Variants in RNF220 observed in about 807,000 individuals in gnomAD.
The protein encoded by RNF220 is E3 ubiquitin-protein ligase RNF220.
Under a neutral mutation model 67.1 loss-of-function variants are expected in RNF220, and 7 were observed. The ratio of observed to expected loss-of-function variants is 0.10; its 90% CI spans 0.06 to 0.20. RNF220 has a LOEUF of 0.20. Ranked by LOEUF, RNF220 falls within the 10% of genes least tolerant of loss-of-function variation. The pLI is 1.00. For missense variants in RNF220, 565 were observed against 740.3 expected (o/e 0.76, Z 2.75); for synonymous variants, 270 against 283.2 (o/e 0.95, Z 0.47).
chr1:44,638,408 A>G (rs1014681839), intron 8 of RNF220: 2 of 152,292 alleles, frequency 1.3e-5, no homozygotes, highest in Non-Finnish European at 2.9e-5. Context: ...CAGAGGCAGG[A>G]TGAGCAGGCG....
At chr1:44,449,465 G>A (rs1652445372) in intron 2 of RNF220, among the ~76,000 whole-genome samples, 1 of 151,856 alleles carries the variant, frequency 6.6e-6, no homozygotes, top group Non-Finnish European at 1.5e-5. Flanking sequence ...CCAGGCTGGA[G>A]TGTGGTGGTG....
Position 44,412,060 on chromosome 1 carries a change from T to G in RNF220, c.-38T>G. ...GGTTGGCCTCCCTCCCAGGGAAGACTGCTTCTTGCGTAACGCCGGCCACAG... is the reference window on the plus strand; with the variant it reads ...GGTTGGCCTCCCTCCCAGGGAAGACGGCTTCTTGCGTAACGCCGGCCACAG... On this transcript the variant is annotated 5_prime_UTR_variant, in exon 2 of 15. Coordinates refer to ENST00000361799, the MANE Select transcript of RNF220 (RefSeq NM_018150.4). The surrounding 1 kb of genome is among the most constrained non-coding windows in gnomAD (Gnocchi z 5.3). 1 of 1,576,576 alleles carries G rather than the reference T, an allele frequency of 6.3e-7. No homozygotes were observed. Among genetic ancestry groups the G allele is most frequent in the East Asian group, 2.2e-5 (1 of 44,512 alleles).
At chr1:44,463,241 A>G (rs957789944) in intron 2 of RNF220, among the ~76,000 whole-genome samples, 1 of 152,122 alleles carries the variant, frequency 6.6e-6, no homozygotes, top group African/African-American at 2.4e-5. Flanking sequence ...AGGCTGAGGC[A>G]GAAGAATCGT....
chr1:44,632,151 GGCT>G, intron 5 of RNF220, 189 bp from the exon 6 acceptor site: 1 of 1,544,740 alleles, frequency 6.5e-7, no homozygotes, highest in Non-Finnish European at 8.7e-7. Flanking sequence ...AGCGCCCGGC[GGCT>G]ATGCCGAGAG....
intron 2 of RNF220, among the ~76,000 whole-genome samples, chr1:44,583,215 G>GATAT (rs35343175): frequency 0.038 from 5,714 of 148,990 alleles, 366 homozygotes; most frequent in African/African-American, 0.13. Flanking sequence ...TCCAGAAGCA[G>GATAT]ATATATATAT....
chr1:44,520,237 C>A (rs1479436943), intron 2 of RNF220, among the ~76,000 whole-genome samples: 2 of 151,418 alleles, frequency 1.3e-5, no homozygotes, highest in Admixed American at 6.6e-5. Flanking sequence ...CCAAGAAAGG[C>A]GGATCACGAG....
At chr1:44,494,428 G>A (rs1157186296) in intron 2 of RNF220, among the ~76,000 whole-genome samples, 9 of 152,190 alleles carry the variant, frequency 5.9e-5, no homozygotes, top group African/African-American at 1.7e-4. Context: ...GTTTGAAACA[G>A]CAAAAGTTTG....
In RNF220 at chr1:44,577,737, G is replaced by A. The variant is rs934414684; in HGVS notation, c.626-36428G>A. Among the ~76,000 whole-genome samples, 4 of 152,214 alleles carry A rather than the reference G, an allele frequency of 2.6e-5. No homozygotes were observed. In the East Asian group the frequency reaches 5.8e-4, roughly 22 times the overall value. On this transcript the variant is annotated intron_variant, in intron 2 of 14. Coordinates refer to ENST00000361799, the MANE Select transcript of RNF220 (RefSeq NM_018150.4). ...TCCCAGCACTGTGGGAGGCCGAGGC[G>A]GGTGGATCACTTGAGGTCAGGAGTT...
chr1:44,446,604 G>T (rs1652120963), intron 2 of RNF220, among the ~76,000 whole-genome samples: 1 of 149,140 alleles, frequency 6.7e-6, no homozygotes, highest in Non-Finnish European at 1.5e-5. Context: ...CTGTCACCCA[G>T]GCTGGAGTGC....
At chr1:44,635,667 G>T in intron 7 of RNF220, 79 bp downstream of exon 7, 1 of 1,611,230 alleles carries the variant, frequency 6.2e-7, no homozygotes, top group East Asian at 2.2e-5. Context: ...CCTTTCTAAG[G>T]TAGAGGGGCC....
At chr1:44,617,441 G>GA (rs1459353181) in intron 3 of RNF220, among the ~76,000 whole-genome samples, 1 of 152,206 alleles carries the variant, frequency 6.6e-6, no homozygotes, top group African/African-American at 2.4e-5. Context: ...TTTTTAATTG[G>GA]AAAAAATTTG....
chr1:44,515,684 T>C (rs1022208715), intron 2 of RNF220, among the ~76,000 whole-genome samples: 2 of 152,110 alleles, frequency 1.3e-5, no homozygotes, highest in African/African-American at 4.8e-5. Context: ...TGGCTAACAT[T>C]CCATCCATGA....
At chr1:44,599,617 A>C (rs1666778918) in intron 2 of RNF220, among the ~76,000 whole-genome samples, 1 of 152,210 alleles carries the variant, frequency 6.6e-6, no homozygotes, top group South Asian at 2.1e-4. Context: ...TGATTGTGCT[A>C]CTGACTCCAG....
At chr1:44,631,958 T>C (rs1644143564) in intron 5 of RNF220, 20 of 992,550 alleles carry the variant, frequency 2.0e-5, no homozygotes, top group Non-Finnish European at 2.4e-5. Flanking sequence ...CGGCGGCAGA[T>C]CACGTGATTA....
At chr1:44,465,727 G>A (rs1051904588) in intron 2 of RNF220, among the ~76,000 whole-genome samples, 24 of 152,222 alleles carry the variant, frequency 1.6e-4, no homozygotes, top group African/African-American at 5.8e-4. Context: ...GTTTTCTGGT[G>A]CATATAAAAG....
At chr1:44,632,453 C>T in intron 6 of RNF220, 68 bp downstream of exon 6, 1 of 1,464,906 alleles carries the variant, frequency 6.8e-7, no homozygotes, top group Non-Finnish European at 9.3e-7. Context: ...CACTGCCTGC[C>T]GCTCCTGGCT....
intron 3 of RNF220, among the ~76,000 whole-genome samples, chr1:44,619,015 G>A (rs1643676356): frequency 6.6e-6 from 1 of 151,944 alleles, no homozygotes; most frequent in Non-Finnish European, 1.5e-5. Flanking sequence ...CTGGGTTGGT[G>A]ATGGGGGAGG....
chr1:44,538,522 T>C (rs562798242), intron 2 of RNF220, among the ~76,000 whole-genome samples: 87 of 152,338 alleles, frequency 5.7e-4, no homozygotes, highest in Non-Finnish European at 5.7e-4. Flanking sequence ...CAAACAGCAG[T>C]AACAACCTCG....
At chr1:44,429,084 T>C (rs1650084745) in intron 2 of RNF220, among the ~76,000 whole-genome samples, 1 of 152,136 alleles carries the variant, frequency 6.6e-6, no homozygotes, top group South Asian at 2.1e-4. Context: ...TCCCTGCACT[T>C]TCATTCCTAC....
Sources: allele counts gnomAD v4.1 joint callset (sites outside exome capture counted in the v4.1 genomes callset), GRCh38; gene constraint gnomAD v4.1.1; non-coding constraint Gnocchi (gnomAD v3.1); transcripts MANE v1.5; gene names NCBI Gene and HGNC (gene_info 2026-07-23, HGNC 2026-07-21).